CDK14: variants seen among roughly 807,000 people sequenced by gnomAD.
CDK14 encodes cyclin dependent kinase 14, also known as cyclin-dependent kinase 14.
CDK14 carries 34 observed loss-of-function variants against 60.7 expected under a neutral mutation model. The ratio of observed to expected loss-of-function variants is 0.56; its 90% CI spans 0.43 to 0.75. CDK14 has a LOEUF of 0.75. Ranked by LOEUF, CDK14 falls within the 30% of genes least tolerant of loss-of-function variation. The pLI, the probability that CDK14 is intolerant of heterozygous loss-of-function variation, is 0.00. For missense variants in CDK14, 482 were observed against 564.1 expected, an observed-to-expected ratio of 0.85 and a Z score of 1.47; for synonymous variants, 197 against 203.7, an observed-to-expected ratio of 0.97 and a Z score of 0.28.
At chr7:91,175,632 A>C (rs1262123812) in intron 14 of CDK14, among the ~76,000 whole-genome samples, 2 of 151,598 alleles carry the variant, frequency 1.3e-5, no homozygotes, top group Non-Finnish European at 2.9e-5. Flanking sequence ...AGCCAATGGA[A>C]AACAAAAAAA....
At chr7:90,919,498 T>A (rs891601869) in intron 8 of CDK14, among the ~76,000 whole-genome samples, 7 of 152,164 alleles carry the variant, frequency 4.6e-5, no homozygotes, top group African/African-American at 1.7e-4. Flanking sequence ...ATGATTTTTT[T>A]AGAAAATTAG....
intron 14 of CDK14, among the ~76,000 whole-genome samples, chr7:91,201,105 T>C (rs946327389): frequency 1.3e-5 from 2 of 152,232 alleles, no homozygotes; most frequent in African/African-American, 4.8e-5. Context: ...TGTATCAATA[T>C]TTTGAATTCT....
chr7:90,898,612 G>A lies in CDK14; in HGVS notation c.640-679G>A, dbSNP rs1214953627. Among the ~76,000 whole-genome samples the A allele has an allele frequency of 2.0e-5, 3 of 151,958 alleles. No individual in the cohort carries two copies. In the East Asian group the frequency reaches 5.8e-4, roughly 29 times the overall value. On this transcript the variant is annotated intron_variant, in intron 6 of 14. Coordinates refer to ENST00000380050, the MANE Select transcript of CDK14 (RefSeq NM_001287135.2). ...AAATTATATATAGTTTATGATATAAGCAGAAAAAGCATTAAGAAGAAGATA... is the reference window on the plus strand; with the variant it reads ...AAATTATATATAGTTTATGATATAAACAGAAAAAGCATTAAGAAGAAGATA...
At chr7:90,831,915 A>C (rs898761136) in intron 5 of CDK14, among the ~76,000 whole-genome samples, 8 of 151,886 alleles carry the variant, frequency 5.3e-5, no homozygotes, top group Admixed American at 4.6e-4. Flanking sequence ...ACAGCACATG[A>C]GGTTCCCCCT....
chr7:91,135,500 G>T (rs1470447499), intron 14 of CDK14, among the ~76,000 whole-genome samples: 1 of 152,164 alleles, frequency 6.6e-6, no homozygotes, highest in Non-Finnish European at 1.5e-5. Flanking sequence ...AGAAAAGATA[G>T]CCGGGTAAGA....
At chr7:90,652,064 C>T (rs371243239) in intron 2 of CDK14, among the ~76,000 whole-genome samples, 2 of 152,278 alleles carry the variant, frequency 1.3e-5, no homozygotes, top group East Asian at 3.9e-4. Context: ...ACTTGCAGGA[C>T]CAGCACTTAC....
intron 2 of CDK14, among the ~76,000 whole-genome samples, chr7:90,640,089 C>T (rs181905332): frequency 9.5e-4 from 144 of 152,256 alleles, no homozygotes; most frequent in African/African-American, 3.2e-3. Context: ...GGCAGTGCCT[C>T]GCCCTGCTTC....
In CDK14 at chr7:90,649,433, C is replaced by CTTTCTTTCTTTCTT. The variant is rs1554427257; in HGVS notation, c.123+45185_123+45186insTTCTTTCTTTCTTT. On this transcript the variant is annotated intron_variant, in intron 2 of 14. Transcript: ENST00000380050. ...TCTTTCTTTCTTTCCTTCTTTCTTT[C>CTTTCTTTCTTTCTT]TCTTTCCTTCCTTCTTTCCTTCTTT... Among the ~76,000 whole-genome samples, 18 of 68,006 alleles carry CTTTCTTTCTTTCTT rather than the reference C, an allele frequency of 2.6e-4. 1 individual carries two copies. Among genetic ancestry groups the CTTTCTTTCTTTCTT allele is most frequent in the East Asian group, 3.6e-3 (2 of 554 alleles). 44.6% of individuals were successfully genotyped at this position (68,006 alleles called of 152,430 possible). A position where few individuals can be genotyped will look rare whatever the true frequency, so the allele number is the denominator to read the frequency against.
At chr7:91,159,586 C>T (rs893315688) in intron 14 of CDK14, among the ~76,000 whole-genome samples, 2 of 152,266 alleles carry the variant, frequency 1.3e-5, no homozygotes, top group Middle Eastern at 3.4e-3. Flanking sequence ...CTGTCTGGAC[C>T]GATGGGAGCA....
Position 91,120,921 on chromosome 7 carries a change from AC to A in CDK14, c.*28+2716del, listed in dbSNP as rs201126982. 7.1e-3 allele frequency among the ~76,000 whole-genome samples: 1,088 copies of A among 152,292 alleles called. 15 individuals carry two copies. The highest frequency in any genetic ancestry group is 0.024 in the African/African-American group (1,008 of 41,542). ...GATTCAATATAATGCTGAGGAAACA[AC>A]CCAATTTCTCAGAAAAGCTACAGGG... On this transcript the variant is annotated intron_variant, in intron 14 of 14. Coordinates refer to ENST00000380050, the MANE Select transcript of CDK14 (RefSeq NM_001287135.2).
chr7:90,598,200 G>C (rs1452417509), intron 1 of CDK14, among the ~76,000 whole-genome samples: 1 of 152,196 alleles, frequency 6.6e-6, no homozygotes, highest in Non-Finnish European at 1.5e-5. Context: ...CTCCAGTTTT[G>C]TGTTAAATAA....
At chr7:90,722,077 C>A (rs1802475103) in intron 2 of CDK14, among the ~76,000 whole-genome samples, 1 of 152,062 alleles carries the variant, frequency 6.6e-6, no homozygotes, top group South Asian at 2.1e-4. Context: ...TAAATTTATT[C>A]TAAGAGCTCT....
chr7:90,599,156 C>G (rs1457340189), intron 1 of CDK14, among the ~76,000 whole-genome samples: 3 of 152,198 alleles, frequency 2.0e-5, no homozygotes, highest in Non-Finnish European at 4.4e-5. Flanking sequence ...CTCTGAGCTT[C>G]AGTTTTTCAT....
rs111867475 is a variant in CDK14, at chr7:90,753,157, C to G, written c.464+5382C>G. 9.3e-3 allele frequency among the ~76,000 whole-genome samples: 1,413 copies of G among 152,252 alleles called. 31 individuals carry two copies. Among genetic ancestry groups the G allele is most frequent in the African/African-American group, 0.033 (1,358 of 41,548 alleles). On this transcript the variant is annotated intron_variant, in intron 4 of 14. Transcript: ENST00000380050. Reference sequence around the variant, plus strand: ...TCATCGAGGATGATGAAGCCAGCATCATCCTGATATGAACAACTAGGAAAG... The same window carrying G: ...TCATCGAGGATGATGAAGCCAGCATGATCCTGATATGAACAACTAGGAAAG...
chr7:90,783,451 G>T (rs910894653), intron 4 of CDK14, among the ~76,000 whole-genome samples: 2 of 152,044 alleles, frequency 1.3e-5, no homozygotes, highest in African/African-American at 4.8e-5. Flanking sequence ...GCGTCTACAA[G>T]CAAACAATCA....
intron 8 of CDK14, among the ~76,000 whole-genome samples, chr7:90,943,054 A>G (rs1232397552): frequency 6.6e-6 from 1 of 152,144 alleles, no homozygotes; most frequent in South Asian, 2.1e-4. Context: ...AGAGGCAGCT[A>G]AAGTGTCGTG....
intron 2 of CDK14, among the ~76,000 whole-genome samples, chr7:90,720,332 G>T (rs1802402388): frequency 6.6e-6 from 1 of 152,118 alleles, no homozygotes; most frequent in African/African-American, 2.4e-5. Context: ...TGGGAGGAAG[G>T]TTTTCAGGCT....
intron 2 of CDK14, among the ~76,000 whole-genome samples, chr7:90,713,490 T>A (rs1802137180): frequency 6.6e-6 from 1 of 152,078 alleles, no homozygotes; most frequent in South Asian, 2.1e-4. Context: ...ATGGCCTGAC[T>A]TTTATTATGA....
intron 2 of CDK14, among the ~76,000 whole-genome samples, chr7:90,612,976 CCTCCT>C (rs1799575836): frequency 6.6e-6 from 1 of 152,038 alleles, no homozygotes; most frequent in African/African-American, 2.4e-5. Flanking sequence ...AACATCACTA[CCTCCT>C]TAATTCTCTC....
Sources: allele counts gnomAD v4.1 joint callset (sites outside exome capture counted in the v4.1 genomes callset), GRCh38; gene constraint gnomAD v4.1.1; transcripts MANE v1.5; gene names NCBI Gene and HGNC (gene_info 2026-07-23, HGNC 2026-07-21).